Variants in NDNF observed in about 807,000 individuals in gnomAD.
The protein encoded by NDNF is neuron derived neurotrophic factor.
Under a neutral mutation model 42.0 loss-of-function variants are expected in NDNF, and 16 were observed. The observed-to-expected ratio is 0.38, with a 90% CI of 0.26 to 0.58. NDNF has a LOEUF of 0.58. Among genes scored for constraint, NDNF ranks in the 20% least tolerant of loss-of-function variants. The pLI is 0.67. For missense variants in NDNF, 616 were observed against 666.2 expected (o/e 0.92, Z 0.83); for synonymous variants, 248 against 251.7 (o/e 0.99, Z 0.14).
At chr4:121,059,414 A>G (rs149310583) in intron 1 of NDNF, among the ~76,000 whole-genome samples, 14 of 152,334 alleles carry the variant, frequency 9.2e-5, no homozygotes, top group Middle Eastern at 6.8e-3. Flanking sequence ...TAAAATATGA[A>G]TGCTTTTGAC....
intron 3 of NDNF, among the ~76,000 whole-genome samples, chr4:121,039,161 A>ATATATACGTATATATATACG (rs1726937499): frequency 4.3e-5 from 3 of 69,382 alleles, no homozygotes; most frequent in Non-Finnish European, 1.1e-4. Context: ...ATATATGTAT[A>ATATATACGTATATATATACG]TATATATATA....
chr4:121,040,121 G>GA, intron 2 of NDNF, 67 bp from the exon 3 acceptor site: 1 of 1,434,794 alleles, frequency 7.0e-7, no homozygotes, highest in Non-Finnish European at 9.4e-7. Flanking sequence ...AGACTTACCA[G>GA]AAAAATCATT....
rs745307819 is a variant in NDNF, at chr4:121,037,451, G to T, written c.520C>A (p.Pro174Thr). 2 of 1,614,088 alleles carry T rather than the reference G, an allele frequency of 1.2e-6. No homozygotes were observed. Among genetic ancestry groups the T allele is most frequent in the South Asian group, 2.2e-5 (2 of 91,074 alleles). The part of the protein sequence containing the change: ...TTTPESDQPY[P>T]ELPYDPRVDV... ...ACTCTTGGGTCATAGGGTAACTCAG[G>T]GTATGGCTGATCAGATTCTGGAGTT... The change falls in exon 4 of 4, where the codon CCT becomes ACT. Residue 174 changes from proline (P) to threonine (T), a missense_variant. Coordinates refer to ENST00000379692, the MANE Select transcript of NDNF (RefSeq NM_024574.4).
At position 121,036,681 on chromosome 4, in the gene NDNF, C is replaced by T; in HGVS notation, c.1290G>A (p.Met430Ile). The part of the protein sequence containing the change: ...RLKGNKKGAS[M>I]LKILATTRPT... ...GCCTTGTGGTAGCTAGAATTTTCAACATAGATGCTCCTTTCTTGTTTCCTT... is the reference window on the plus strand; with the variant it reads ...GCCTTGTGGTAGCTAGAATTTTCAATATAGATGCTCCTTTCTTGTTTCCTT... The change falls in exon 4 of 4, where the codon ATG (methionine) becomes ATA (isoleucine). Residue 430 changes from methionine (M) to isoleucine (I), a missense_variant. Transcript: ENST00000379692. The T allele has an allele frequency of 2.5e-6, 4 of 1,614,132 alleles. No individual in the cohort carries two copies. The highest frequency in any genetic ancestry group is 3.4e-6 in the Non-Finnish European group (4 of 1,180,016).
Position 121,070,623 on chromosome 4 carries a change from T to A in NDNF, c.-2+1370A>T, listed in dbSNP as rs898567870. The stretch of plus-strand genomic sequence containing the variant: ...TAGTGTGTTTGGGGAAAGCAGCAAC[T>A]AAATGAAAAAATAAACTCTTCTTTG... On this transcript the variant is annotated intron_variant, in intron 1 of 3. Coordinates refer to ENST00000379692, the MANE Select transcript of NDNF (RefSeq NM_024574.4). Among the ~76,000 whole-genome samples, 15 of 152,016 alleles carry A rather than the reference T, an allele frequency of 9.9e-5. No individual in the cohort carries two copies. In the East Asian group the frequency reaches 2.9e-3, roughly 29 times the overall value.
chr4:121,040,035 C>T lies in NDNF; in HGVS notation c.208G>A (p.Glu70Lys). The T allele has an allele frequency of 6.2e-7, 1 of 1,613,678 alleles. No individual in the cohort carries two copies. Among genetic ancestry groups the T allele is most frequent in the Non-Finnish European group, 8.5e-7 (1 of 1,179,858 alleles). Reference protein sequence around the residue: ...TPKRYFFVVEEDNTPLSVTVT... With the variant: ...TPKRYFFVVEKDNTPLSVTVT... ...GTGACTGATAATGGAGTATTGTCTT[C>T]TTCAACCACAAAGAAATACCTGTGG... The change falls in exon 3 of 4, where the codon GAA (glutamate) becomes AAA (lysine). Residue 70 changes from glutamate (E) to lysine (K), a missense_variant. Transcript: ENST00000379692.
intron 1 of NDNF, among the ~76,000 whole-genome samples, chr4:121,050,834 A>T (rs551849816): frequency 2.0e-5 from 3 of 152,196 alleles, no homozygotes; most frequent in Admixed American, 1.3e-4. Flanking sequence ...GATACAACTC[A>T]ATCTTTAGAA....
chr4:121,037,798 A>G, intron 3 of NDNF, 141 bp from the exon 4 acceptor site: 1 of 584,524 alleles, frequency 1.7e-6, no homozygotes, highest in Non-Finnish European at 2.9e-6. Flanking sequence ...AAATGTATTC[A>G]AGATAATATT....
intron 1 of NDNF, among the ~76,000 whole-genome samples, chr4:121,055,577 T>G (rs1579317656): frequency 1.3e-5 from 2 of 151,322 alleles, no homozygotes; most frequent in Non-Finnish European, 2.9e-5. Flanking sequence ...GATGCAGTTT[T>G]AAAAACTGGT....
At chr4:121,051,292 T>A (rs193161832) in intron 1 of NDNF, among the ~76,000 whole-genome samples, 2 of 152,310 alleles carry the variant, frequency 1.3e-5, no homozygotes, top group East Asian at 3.9e-4. Flanking sequence ...AAAGCGTTTT[T>A]ATTGTTCTGC....
chr4:121,037,065 A>T lies in NDNF; in HGVS notation c.906T>A (p.Ser302=). 1 of 1,613,938 alleles carries T rather than the reference A, an allele frequency of 6.2e-7. No individual in the cohort carries two copies. Among genetic ancestry groups the T allele is most frequent in the Non-Finnish European group, 8.5e-7 (1 of 1,180,004 alleles). Residue 302 remains serine (S), a synonymous_variant, in exon 4 of 4, where the codon TCT becomes TCA. Transcript: ENST00000379692. ...AGTACTGCGTGTCGGGTTTCAGATC[A>T]GAGACGGTGAAGATGTTCTTGTTTC... is the stretch of plus-strand genomic sequence containing the variant. ...CIGNKNIFTV[S]DLKPDTQYYF... is the part of the protein sequence containing the mutation.
intron 2 of NDNF, among the ~76,000 whole-genome samples, chr4:121,041,004 T>C (rs1413364945): frequency 1.3e-5 from 2 of 152,174 alleles, no homozygotes; most frequent in African/African-American, 2.4e-5. Context: ...CTTTAAAAAG[T>C]AAAGAGCACT....
At chr4:121,041,847 G>A (rs1327622205) in intron 2 of NDNF, among the ~76,000 whole-genome samples, 2 of 152,154 alleles carry the variant, frequency 1.3e-5, no homozygotes, top group African/African-American at 4.8e-5. Context: ...TCCCATAGAC[G>A]GTAGGGTGAG....
At chr4:121,038,396 C>CAAAAT (rs1726917775) in intron 3 of NDNF, among the ~76,000 whole-genome samples, 1 of 73,210 alleles carries the variant, frequency 1.4e-5, no homozygotes, top group Non-Finnish European at 3.0e-5. Context: ...TAAAATAAAA[C>CAAAAT]AAAACAAAAC....
Position 121,056,823 on chromosome 4 carries a change from C to T in NDNF, c.-1-10985G>A, listed in dbSNP as rs374315390. ...GCCTTGGTGATTCTACTGGCAATGT[C>T]TGTTAAACACATGGGTTGCATCCTC... is the stretch of plus-strand genomic sequence containing the variant. On this transcript the variant is annotated intron_variant, in intron 1 of 3. Transcript: ENST00000379692. Among the ~76,000 whole-genome samples the T allele has an allele frequency of 1.2e-4, 18 of 152,338 alleles. No homozygotes were observed. In the East Asian group the frequency reaches 2.9e-3, roughly 24 times the overall value.
At chr4:121,055,650 T>C (rs1407513725) in intron 1 of NDNF, among the ~76,000 whole-genome samples, 3 of 152,004 alleles carry the variant, frequency 2.0e-5, no homozygotes, top group Non-Finnish European at 4.4e-5. Flanking sequence ...CTTTAAATGA[T>C]GAGAAACATA....
At chr4:121,059,185 T>C (rs764286721) in intron 1 of NDNF, among the ~76,000 whole-genome samples, 8 of 152,192 alleles carry the variant, frequency 5.3e-5, no homozygotes, top group Admixed American at 6.5e-5. Context: ...CTTAAATTGT[T>C]TGTACATATT....
chr4:121,055,822 C>G (rs545687737), intron 1 of NDNF, among the ~76,000 whole-genome samples: 1 of 151,772 alleles, frequency 6.6e-6, no homozygotes, highest in Non-Finnish European at 1.5e-5. Context: ...CACACACACA[C>G]GCACCCCAGA....
In NDNF at chr4:121,072,161, T is replaced by G. The variant is rs1727617170; in HGVS notation, c.-170A>C. Reference sequence around the variant, plus strand: ...AGGCAGATAAAAGAGAAAAATTCAATCCGCTGAAGTGTCCCAACTTTGCGG... The same window carrying G: ...AGGCAGATAAAAGAGAAAAATTCAAGCCGCTGAAGTGTCCCAACTTTGCGG... On this transcript the variant is annotated 5_prime_UTR_variant, in exon 1 of 4. Transcript: ENST00000379692. The G allele has an allele frequency of 6.6e-6, 1 of 152,172 alleles. No individual in the cohort carries two copies. Among genetic ancestry groups the G allele is most frequent in the Non-Finnish European group, 1.5e-5 (1 of 68,088 alleles). The allele number at this position is 152,172 out of a possible 1,614,324, so 9.4% of individuals were successfully genotyped here.
Sources: gnomAD v4.1 joint callset for allele counts (sites outside exome capture counted in the v4.1 genomes callset) on GRCh38, gnomAD v4.1.1 for gene constraint, MANE v1.5 for transcripts, NCBI Gene and HGNC (gene_info 2026-07-23, HGNC 2026-07-21) for gene names.